WWOX: variants seen among roughly 807,000 people sequenced by gnomAD.
WWOX encodes the protein WW domain-containing oxidoreductase.
In WWOX, 69 loss-of-function variants were observed where a neutral mutation model predicts 46.2. The ratio of observed to expected loss-of-function variants is 1.49; its 90% CI spans 1.23 to 1.82. The LOEUF is 1.82. Among genes scored for constraint, WWOX ranks in the 40% most tolerant of loss-of-function variants. WWOX has a pLI of 0.00. For synonymous variants in WWOX, 359 were observed against 202.6 expected (o/e 1.77, Z -6.56); for missense variants, 919 against 542.6 (o/e 1.69, Z -6.89).
intron 8 of WWOX, among the ~76,000 whole-genome samples, chr16:78,475,597 T>A (rs2084332289): frequency 6.6e-6 from 1 of 152,130 alleles, no homozygotes; most frequent in Admixed American, 6.6e-5. Flanking sequence ...TAGTTTATAT[T>A]TTTATTTTAG....
At chr16:78,150,046 C>T (rs578044604) in intron 4 of WWOX, among the ~76,000 whole-genome samples, 2 of 152,304 alleles carry the variant, frequency 1.3e-5, no homozygotes, top group East Asian at 3.9e-4. Context: ...GGGCTCAGTC[C>T]TACAGGATCA....
chr16:78,330,137 G>T (rs911468455), intron 5 of WWOX, among the ~76,000 whole-genome samples: 2 of 152,076 alleles, frequency 1.3e-5, no homozygotes, highest in Non-Finnish European at 2.9e-5. Flanking sequence ...ATGCCTAAAC[G>T]TTTGAAAACA....
At chr16:78,590,244 A>T (rs1346696542) in intron 8 of WWOX, among the ~76,000 whole-genome samples, 2 of 152,194 alleles carry the variant, frequency 1.3e-5, no homozygotes, top group East Asian at 3.8e-4. Flanking sequence ...TTCAAGATCA[A>T]GATGCAGACA....
chr16:78,782,911 A>G (rs144397657), intron 8 of WWOX, among the ~76,000 whole-genome samples: 116 of 152,314 alleles, frequency 7.6e-4, no homozygotes, highest in African/African-American at 2.4e-3. Flanking sequence ...TTTTATATCT[A>G]TTACAAAGGC....
chr16:78,460,880 T>G (rs2083931990), intron 8 of WWOX, among the ~76,000 whole-genome samples: 2 of 152,362 alleles, frequency 1.3e-5, no homozygotes, highest in South Asian at 4.1e-4. Context: ...AGTGTGAGTT[T>G]GAAAGTGTTT....
chr16:79,046,372 G>A (rs1049624870), intron 8 of WWOX, among the ~76,000 whole-genome samples: 11 of 152,080 alleles, frequency 7.2e-5, no homozygotes, highest in Non-Finnish European at 1.5e-4. Context: ...GTATCCTGTT[G>A]TCTTTATCAG....
chr16:78,642,100 T>C (rs1206891750), intron 8 of WWOX, among the ~76,000 whole-genome samples: 4 of 152,144 alleles, frequency 2.6e-5, no homozygotes, highest in Non-Finnish European at 5.9e-5. Flanking sequence ...AGACTGTCTG[T>C]CCCCCAAATA....
chr16:78,699,848 T>A lies in WWOX; in HGVS notation c.1056+267096T>A, dbSNP rs1416070050. ...TATATCCATGTAATATCAGGGTATTTCTCTTTGTAGCTGCATCTTCTAAGA... is the reference window on the plus strand; with the variant it reads ...TATATCCATGTAATATCAGGGTATTACTCTTTGTAGCTGCATCTTCTAAGA... On this transcript the variant is annotated intron_variant, in intron 8 of 8. Coordinates refer to ENST00000566780, the MANE Select transcript of WWOX (RefSeq NM_016373.4). 2.6e-5 allele frequency among the ~76,000 whole-genome samples: 4 copies of A among 152,280 alleles called. No homozygotes were observed. In the East Asian group the frequency reaches 7.8e-4, roughly 30 times the overall value.
intron 8 of WWOX, among the ~76,000 whole-genome samples, chr16:79,198,032 T>G (rs992109190): frequency 6.6e-6 from 1 of 152,038 alleles, no homozygotes; most frequent in Non-Finnish European, 1.5e-5. Context: ...CAAGAGCAGC[T>G]TTAGAAAATG....
chr16:78,209,264 C>T (rs1597354551), intron 5 of WWOX, among the ~76,000 whole-genome samples: 1 of 152,250 alleles, frequency 6.6e-6, no homozygotes, highest in East Asian at 1.9e-4. Context: ...AGCTCTGCAG[C>T]CCGAAAAGAC....
chr16:78,920,492 T>A (rs546791867), intron 8 of WWOX, among the ~76,000 whole-genome samples: 1 of 152,328 alleles, frequency 6.6e-6, no homozygotes, highest in African/African-American at 2.4e-5. Flanking sequence ...GAGGAACTGC[T>A]GCCTGCATCC....
intron 8 of WWOX, among the ~76,000 whole-genome samples, chr16:78,594,013 G>A (rs923435614): frequency 5.3e-5 from 8 of 152,050 alleles, no homozygotes; most frequent in Admixed American, 1.3e-4. Flanking sequence ...TCTCAGTTTC[G>A]TCTCCTGTCA....
rs112930398 is a variant in WWOX, at chr16:78,274,732, C to T, written c.516+110443C>T. ...TTCAATGCTGCTTTCGTTTCTTGGGCGAGGGCCCTAGAATCACCTTAGACA... is the reference window on the plus strand; with the variant it reads ...TTCAATGCTGCTTTCGTTTCTTGGGTGAGGGCCCTAGAATCACCTTAGACA... On this transcript the variant is annotated intron_variant, in intron 5 of 8. Coordinates refer to ENST00000566780, the MANE Select transcript of WWOX (RefSeq NM_016373.4). 5.4e-3 allele frequency among the ~76,000 whole-genome samples: 829 copies of T among 152,196 alleles called. 7 individuals carry two copies. Among genetic ancestry groups the T allele is most frequent in the African/African-American group, 0.018 (757 of 41,534 alleles).
intron 8 of WWOX, among the ~76,000 whole-genome samples, chr16:78,672,237 C>T (rs1201054368): frequency 6.6e-6 from 1 of 152,136 alleles, no homozygotes; most frequent in East Asian, 1.9e-4. Context: ...TTTCCTTTTC[C>T]ATGTTCAAGG....
chr16:78,134,775 T>C (rs147493625), intron 4 of WWOX, among the ~76,000 whole-genome samples: 193 of 152,344 alleles, frequency 1.3e-3, no homozygotes, highest in African/African-American at 4.5e-3. Flanking sequence ...GTTAAGAGTA[T>C]AACGTTGGTT....
intron 8 of WWOX, among the ~76,000 whole-genome samples, chr16:79,105,671 T>G (rs112183731): frequency 1.1e-4 from 16 of 151,970 alleles, no homozygotes; most frequent in African/African-American, 2.4e-4. Context: ...TTTTTTTTTT[T>G]TTTGTTTGCG....
rs186605408 is a variant in WWOX at position 78,854,669 on chromosome 16, C to T, written c.1057-356939C>T. Among the ~76,000 whole-genome samples the T allele has an allele frequency of 2.3e-3, 354 of 152,324 alleles. 6 individuals are homozygous for T. The highest frequency in any genetic ancestry group is 0.02 in the Middle Eastern group (6 of 294). On this transcript the variant is annotated intron_variant, in intron 8 of 8. Transcript: ENST00000566780. ...GATCTCAGCTGACTGCAACCTCCGCCTCCCGGGTTCAAGTGATTCTCCTGC... is the reference window on the plus strand; with the variant it reads ...GATCTCAGCTGACTGCAACCTCCGCTTCCCGGGTTCAAGTGATTCTCCTGC...
intron 8 of WWOX, among the ~76,000 whole-genome samples, chr16:79,170,466 C>A (rs886364509): frequency 6.6e-6 from 1 of 152,158 alleles, no homozygotes; most frequent in Non-Finnish European, 1.5e-5. Flanking sequence ...TTAATGTTAT[C>A]TTTGGATTAA....
chr16:78,837,569 G>C (rs2052023912), intron 8 of WWOX, among the ~76,000 whole-genome samples: 1 of 152,050 alleles, frequency 6.6e-6, no homozygotes, highest in African/African-American at 2.4e-5. Context: ...TTATTTTCTA[G>C]CAGTGCAAGA....
Sources: allele counts gnomAD v4.1 joint callset (sites outside exome capture counted in the v4.1 genomes callset), GRCh38; gene constraint gnomAD v4.1.1; transcripts MANE v1.5; gene names NCBI Gene and HGNC (gene_info 2026-07-23, HGNC 2026-07-21).